Variants in ZNF208 observed in about 807,000 individuals in gnomAD.
ZNF208 encodes zinc finger protein 208.
A neutral mutation model predicts 12.1 loss-of-function variants in ZNF208; 10 were observed. That is an observed-to-expected ratio of 0.83 (90% CI 0.51 to 1.40). The LOEUF (loss-of-function observed/expected upper bound fraction) is 1.40, where lower values mean the gene tolerates loss of function less well. Ranked by LOEUF, ZNF208 falls within the 40% of genes most tolerant of loss-of-function variation. ZNF208 has a pLI of 0.00. For missense variants in ZNF208, 1,652 were observed against 1,485.0 expected, an observed-to-expected ratio of 1.11 and a Z score of -1.85; for synonymous variants, 497 against 488.4, an observed-to-expected ratio of 1.02 and a Z score of -0.23.
intron 1 of ZNF208, among the ~76,000 whole-genome samples, chr19:21,994,598 T>C (rs1372757813): frequency 3.3e-5 from 5 of 152,172 alleles, no homozygotes; most frequent in Admixed American, 2.0e-4. Flanking sequence ...GTTTGTATAA[T>C]TTTAATCTTT....
intron 2 of ZNF208, 36 bp downstream of exon 2, chr19:21,988,747 T>C (rs1433521612): frequency 6.2e-7 from 1 of 1,608,220 alleles, no homozygotes; most frequent in East Asian, 2.2e-5. Flanking sequence ...AAACCTGTAG[T>C]GTATACTAGG....
chr19:21,959,602 AG>A (rs1477090126), intron 4 of ZNF208, among the ~76,000 whole-genome samples: 1 of 152,154 alleles, frequency 6.6e-6, no homozygotes, highest in Non-Finnish European at 1.5e-5. Flanking sequence ...AATGCCTTTG[AG>A]GGGGGAAAAT....
chr19:21,959,129 A>G (rs1970022809), intron 4 of ZNF208, among the ~76,000 whole-genome samples: 1 of 152,122 alleles, frequency 6.6e-6, no homozygotes, highest in South Asian at 2.1e-4. Context: ...TAATAGTTTT[A>G]TGTCTGAGCA....
chr19:21,974,904 C>A, intron 3 of ZNF208, 97 bp from the exon 4 acceptor site: 1 of 1,352,814 alleles, frequency 7.4e-7, no homozygotes, highest in South Asian at 1.7e-5. Flanking sequence ...ACTACATAAG[C>A]AAGATGACAC....
At chr19:22,000,236 C>T (rs1337248633) in intron 1 of ZNF208, among the ~76,000 whole-genome samples, 3 of 152,154 alleles carry the variant, frequency 2.0e-5, no homozygotes, top group Non-Finnish European at 4.4e-5. Context: ...AACTCTTCAT[C>T]GAAAAATACC....
chr19:21,944,879 G>A (rs1408183445), intron 4 of ZNF208, among the ~76,000 whole-genome samples: 9 of 152,166 alleles, frequency 5.9e-5, no homozygotes, highest in Admixed American at 5.9e-4. Flanking sequence ...AGCAAACATG[G>A]CCATTGTACA....
rs760757323 is a variant in ZNF208, at chr19:21,971,720, C to A, written c.3314G>T (p.Arg1105Ile). 7 of 1,609,008 alleles carry A rather than the reference C, an allele frequency of 4.4e-6. No homozygotes were observed. Among genetic ancestry groups the A allele is most frequent in the Admixed American group, 3.4e-5 (2 of 59,544 alleles). ...GTAGGGTTTCTCTCCAGTATGAATT[C>A]TCTTATGTTCCATAAGGTTTGAGGA... ...NWSSNLMEHK[R>I]IHTGEKPYKC... The change falls in exon 4 of 4, where the codon AGA becomes ATA. Residue 1105 changes from arginine to isoleucine, a missense_variant. By Grantham distance (97) the Arg-to-Ile change is moderately conservative. Coordinates refer to ENST00000397126, the MANE Select transcript of ZNF208 (RefSeq NM_007153.3).
chr19:21,955,425 T>C (rs146657049), intron 4 of ZNF208, among the ~76,000 whole-genome samples: 1,746 of 152,352 alleles, frequency 0.011, 34 homozygotes, highest in African/African-American at 0.04. Context: ...AAGAATGTTT[T>C]CCAACTTGGT....
At chr19:22,000,888 A>C (rs1237482820) in intron 1 of ZNF208, among the ~76,000 whole-genome samples, 1 of 152,248 alleles carries the variant, frequency 6.6e-6, no homozygotes. Context: ...ACAAAAATAT[A>C]CTGAAGTCTG....
rs781767771 is a variant in ZNF208 at position 21,969,200 on chromosome 19, G to A, written c.*1991C>T. ...TAGTTCCACTATGTTGGCAAGGCTG[G>A]TCTTGAACTCCTGACCTCAGGTGAT... is the stretch of plus-strand genomic sequence containing the variant. On this transcript the variant is annotated 3_prime_UTR_variant, in exon 4 of 4. Coordinates refer to ENST00000397126, the MANE Select transcript of ZNF208 (RefSeq NM_007153.3). Among the ~76,000 whole-genome samples, 2 of 151,902 alleles carry A rather than the reference G, an allele frequency of 1.3e-5. No homozygotes were observed. The highest frequency in any genetic ancestry group is 2.9e-5 in the Non-Finnish European group (2 of 67,976).
chr19:21,940,882 G>T, intron 4 of ZNF208: 1 of 154,098 alleles, frequency 6.5e-6, no homozygotes, highest in South Asian at 1.9e-4. Flanking sequence ...CCAGCTGTGG[G>T]AAATGCTCTG....
At chr19:21,999,613 C>G (rs1432172303) in intron 1 of ZNF208, among the ~76,000 whole-genome samples, 1 of 151,942 alleles carries the variant, frequency 6.6e-6, no homozygotes, top group Non-Finnish European at 1.5e-5. Context: ...CTTCTTTATG[C>G]TCTTGAAATG....
At chr19:21,951,970 T>C (rs192309632) in intron 4 of ZNF208, among the ~76,000 whole-genome samples, 2 of 152,342 alleles carry the variant, frequency 1.3e-5, no homozygotes, top group East Asian at 3.9e-4. Context: ...CCCAAGGTCT[T>C]AGCAACCAGT....
chr19:21,950,548 C>A (rs2145516035), intron 4 of ZNF208, among the ~76,000 whole-genome samples: 1 of 148,820 alleles, frequency 6.7e-6, no homozygotes, highest in Admixed American at 6.7e-5. Flanking sequence ...GGCTGGAGTG[C>A]AACAGCACAA....
chr19:21,976,304 G>T (rs1211015947), intron 3 of ZNF208, among the ~76,000 whole-genome samples: 1 of 152,040 alleles, frequency 6.6e-6, no homozygotes, highest in Non-Finnish European at 1.5e-5. Flanking sequence ...ATATATTGTT[G>T]TATTTTTAGG....
intron 4 of ZNF208, among the ~76,000 whole-genome samples, chr19:21,956,365 T>A (rs1969977026): frequency 6.6e-6 from 1 of 152,240 alleles, no homozygotes; most frequent in Admixed American, 6.5e-5. Flanking sequence ...TCTTCAAAGC[T>A]GTCAGACAGG....
intron 3 of ZNF208, among the ~76,000 whole-genome samples, chr19:21,982,532 C>A (rs1970561809): frequency 6.6e-6 from 1 of 151,920 alleles, no homozygotes; most frequent in Non-Finnish European, 1.5e-5. Flanking sequence ...TCATACAGAA[C>A]CAAAAAAAAG....
At chr19:21,985,089 T>C (rs1239105218) in intron 3 of ZNF208, among the ~76,000 whole-genome samples, 2 of 152,108 alleles carry the variant, frequency 1.3e-5, no homozygotes, top group Admixed American at 1.3e-4. Flanking sequence ...GCAGAAAATA[T>C]TCTACCAATT....
rs1437097322 is a variant in ZNF208 at position 21,974,683 on chromosome 19, A to G, written c.351T>C (p.Tyr117=). The change falls in exon 4 of 4, where the codon TAT becomes TAC. Residue 117 remains tyrosine (Y), a synonymous_variant. Coordinates refer to ENST00000397126, the MANE Select transcript of ZNF208 (RefSeq NM_007153.3). ...GCACCTTACACTCATCCACATTGGT[A>G]TAACCAATTTTTAAGTGTAAATTCT... ...GHENLHLKIG[Y]TNVDECKVHK... The G allele has an allele frequency of 8.7e-6, 14 of 1,613,550 alleles. No homozygotes were observed. Among genetic ancestry groups the G allele is most frequent in the Non-Finnish European group, 1.1e-5 (13 of 1,179,760 alleles).
Sources: gnomAD v4.1 joint callset for allele counts (sites outside exome capture counted in the v4.1 genomes callset) on GRCh38, gnomAD v4.1.1 for gene constraint, MANE v1.5 for transcripts, NCBI Gene and HGNC (gene_info 2026-07-23, HGNC 2026-07-21) for gene names.